The following CFAP61 variants were observed in gnomAD, a reference collection of about 807,000 sequenced individuals.
CFAP61 encodes cilia and flagella associated protein 61, also known as cilia- and flagella-associated protein 61.
In CFAP61, 107 loss-of-function variants were observed where a neutral mutation model predicts 135.6. The ratio of observed to expected loss-of-function variants is 0.79; its 90% confidence interval spans 0.67 to 0.93. The LOEUF is 0.93. CFAP61 is among the 40% of genes least tolerant of loss of function. The pLI, the probability that CFAP61 is intolerant of heterozygous loss-of-function variation, is 0.00. For missense variants in CFAP61, 1,507 were observed against 1,556.2 expected, an observed-to-expected ratio of 0.97 and a Z score of 0.53; for synonymous variants, 575 against 578.5, an observed-to-expected ratio of 0.99 and a Z score of 0.09.
chr20:20,199,656 C>A, intron 16 of CFAP61, 112 bp from the exon 17 acceptor site: 1 of 1,140,754 alleles, frequency 8.8e-7, no homozygotes, highest in Non-Finnish European at 1.2e-6. Flanking sequence ...TTTTTTTTTT[C>A]CTCTCTGACT....
chr20:20,244,569 TG>T (rs1252354465), intron 18 of CFAP61, among the ~76,000 whole-genome samples: 1 of 152,210 alleles, frequency 6.6e-6, no homozygotes, highest in Non-Finnish European at 1.5e-5. Context: ...ATGGGGACCC[TG>T]GGCTCAACCC....
At chr20:20,218,803 A>G (rs2048207242) in intron 17 of CFAP61, among the ~76,000 whole-genome samples, 1 of 152,224 alleles carries the variant, frequency 6.6e-6, no homozygotes, top group South Asian at 2.1e-4. Context: ...TGTTGAATTA[A>G]GCTCTGCTAA....
At chr20:20,187,431 TA>T (rs1246799420) in intron 13 of CFAP61, among the ~76,000 whole-genome samples, 2 of 152,190 alleles carry the variant, frequency 1.3e-5, no homozygotes, top group Non-Finnish European at 2.9e-5. Flanking sequence ...TTGTGTCACT[TA>T]ACTTCACTTA....
intron 22 of CFAP61, among the ~76,000 whole-genome samples, chr20:20,278,443 G>A (rs190743183): frequency 1.3e-5 from 2 of 152,312 alleles, no homozygotes; most frequent in Admixed American, 1.3e-4. Flanking sequence ...GGGAAGGAGG[G>A]AAGGGGCCGG....
At chr20:20,302,750 A>G (rs763217621) in intron 25 of CFAP61, among the ~76,000 whole-genome samples, 1 of 152,224 alleles carries the variant, frequency 6.6e-6, no homozygotes, top group African/African-American at 2.4e-5. Flanking sequence ...TTCAAAATTA[A>G]GTGTGTAATA....
intron 18 of CFAP61, among the ~76,000 whole-genome samples, chr20:20,233,660 G>A (rs2049342680): frequency 6.6e-6 from 1 of 152,144 alleles, no homozygotes; most frequent in African/African-American, 2.4e-5. Context: ...AGAGAATAAG[G>A]ATCCAGAACT....
Position 20,196,590 on chromosome 20 carries a change from C to CTA in CFAP61, c.1611_1612insTA (p.His538TyrfsTer39). 6.2e-7 allele frequency: 1 copy of CTA among 1,613,670 alleles called. No individual in the cohort carries two copies. The highest frequency in any genetic ancestry group is 1.1e-5 in the South Asian group (1 of 91,070). On this transcript the variant is annotated frameshift_variant, in exon 16 of 27. Coordinates refer to ENST00000245957, the MANE Select transcript of CFAP61 (RefSeq NM_015585.4). LOFTEE classifies it high-confidence loss of function. ...TGTAGGACATTGAGTACATACGGTC[C>CTA]CATTACAACATTGAAGATTTCATCT...
At chr20:20,187,851 A>G (rs924948675) in intron 13 of CFAP61, 79 bp from the exon 14 acceptor site, 7 of 1,059,566 alleles carry the variant, frequency 6.6e-6, no homozygotes, top group East Asian at 2.4e-5. Flanking sequence ...TAAGTGTGAT[A>G]TATTACAATT....
At chr20:20,119,284 G>A (rs553043735) in intron 8 of CFAP61, among the ~76,000 whole-genome samples, 7 of 152,014 alleles carry the variant, frequency 4.6e-5, no homozygotes, top group Admixed American at 2.0e-4. Flanking sequence ...TTATGGCTTC[G>A]ATTTTGTTAT....
At chr20:20,292,930 TCCATCTCTCAAGGC>T (rs66529481) in intron 24 of CFAP61, among the ~76,000 whole-genome samples, 1,852 of 152,094 alleles carry the variant, frequency 0.012, 15 homozygotes, top group Non-Finnish European at 0.019. Context: ...GAATAGAGAA[TCCATCTCTCAAGGC>T]AGAGAGTGTC....
At chr20:20,100,674 T>C (rs1423682955) in intron 8 of CFAP61, among the ~76,000 whole-genome samples, 1 of 152,208 alleles carries the variant, frequency 6.6e-6, no homozygotes, top group Non-Finnish European at 1.5e-5. Flanking sequence ...GTTGAAAAGA[T>C]GTAGTCCCTT....
intron 21 of CFAP61, chr20:20,265,424 G>T (rs777145213): frequency 2.6e-6 from 2 of 779,822 alleles, no homozygotes; most frequent in East Asian, 4.8e-5. Flanking sequence ...GATGGAGGAA[G>T]AGCATCAGTG....
chr20:20,052,610 A>G lies in CFAP61; in HGVS notation c.-37+19A>G, dbSNP rs1269461835. The G allele has an allele frequency of 1.2e-6, 2 of 1,613,762 alleles. No homozygotes were observed. The highest frequency in any genetic ancestry group is 2.2e-5 in the South Asian group (2 of 91,052). The stretch of plus-strand genomic sequence containing the variant: ...GGATGAGGTGGGTAACGCCGTGCTG[A>G]CTAGCAGCGACGCAAGGACTGCGGT... On this transcript the variant is annotated intron_variant, in intron 1 of 26. Transcript: ENST00000245957.
intron 17 of CFAP61, among the ~76,000 whole-genome samples, chr20:20,226,765 T>C (rs1371857442): frequency 6.6e-6 from 1 of 152,202 alleles, no homozygotes; most frequent in Non-Finnish European, 1.5e-5. Context: ...TGAGGTCAAC[T>C]TAGGTCACAT....
intron 17 of CFAP61, 98 bp downstream of exon 17, chr20:20,200,000 TTAATTACA>T: frequency 7.2e-7 from 1 of 1,392,714 alleles, no homozygotes. Flanking sequence ...AGGCTGCTTC[TTAATTACA>T]GGGAACCTGG....
intron 8 of CFAP61, among the ~76,000 whole-genome samples, chr20:20,137,998 T>C (rs1285046838): frequency 6.6e-6 from 1 of 152,108 alleles, no homozygotes; most frequent in Non-Finnish European, 1.5e-5. Flanking sequence ...GTCCTTCATG[T>C]CAAGGCAGCA....
intron 25 of CFAP61, among the ~76,000 whole-genome samples, chr20:20,314,531 T>C (rs1601958454): frequency 7.0e-6 from 1 of 143,408 alleles, no homozygotes; most frequent in East Asian, 2.2e-4. Context: ...ATTATTATTA[T>C]TTATTTTTTT....
chr20:20,155,214 C>T (rs914335053), intron 9 of CFAP61, among the ~76,000 whole-genome samples: 1 of 152,022 alleles, frequency 6.6e-6, no homozygotes, highest in African/African-American at 2.4e-5. Context: ...GGAAAACTGG[C>T]GAGCCACATG....
intron 9 of CFAP61, among the ~76,000 whole-genome samples, chr20:20,152,325 T>C (rs551758258): frequency 1.3e-5 from 2 of 150,700 alleles, no homozygotes; most frequent in African/African-American, 4.9e-5. Context: ...AACACCAAAG[T>C]ATTCAGGCAA....
Sources: gnomAD v4.1 joint callset for allele counts (sites outside exome capture counted in the v4.1 genomes callset) on GRCh38, gnomAD v4.1.1 for gene constraint, MANE v1.5 for transcripts, NCBI Gene and HGNC (gene_info 2026-07-23, HGNC 2026-07-21) for gene names.